The following TSPAN5 variants were observed in gnomAD, a reference collection of about 807,000 sequenced individuals.
TSPAN5 encodes tetraspanin-5.
Under a neutral mutation model 37.1 loss-of-function variants are expected in TSPAN5, and 10 were observed. That is an observed-to-expected ratio of 0.27 (90% CI 0.17 to 0.46). TSPAN5 has a LOEUF of 0.46. TSPAN5 is among the 20% of genes least tolerant of loss of function. The pLI is 1.00. For synonymous variants in TSPAN5, 110 were observed against 118.9 expected, an observed-to-expected ratio of 0.93 and a Z score of 0.48; for missense variants, 195 against 326.6, an observed-to-expected ratio of 0.60 and a Z score of 3.11.
chr4:98,643,918 T>C lies in TSPAN5; in HGVS notation c.81+14228A>G, dbSNP rs576628273. 2.6e-5 allele frequency among the ~76,000 whole-genome samples: 4 copies of C among 152,328 alleles called. No homozygotes were observed. The East Asian group carries it at 5.8e-4, about 22-fold the overall frequency. On this transcript the variant is annotated intron_variant, in intron 1 of 7. Transcript: ENST00000305798. ...CCCTGTGGGCAGTTGTTGCCCATCC[T>C]TGGATAAGTAGGGCACCAATAACGA...
intron 1 of TSPAN5, among the ~76,000 whole-genome samples, chr4:98,606,709 G>A (rs191396692): frequency 1.4e-4 from 22 of 152,348 alleles, no homozygotes; most frequent in Admixed American, 1.4e-3. Context: ...GGAATTAAAT[G>A]CAGAGGTTTT....
chr4:98,613,327 T>C (rs1293951020), intron 1 of TSPAN5, among the ~76,000 whole-genome samples: 1 of 152,200 alleles, frequency 6.6e-6, no homozygotes, highest in Non-Finnish European at 1.5e-5. Context: ...GCAGCAGGCT[T>C]ACAAATGTTG....
chr4:98,586,208 T>A (rs1755480906), intron 1 of TSPAN5, among the ~76,000 whole-genome samples: 1 of 152,250 alleles, frequency 6.6e-6, no homozygotes. Context: ...ATTATTTTCT[T>A]CTTAAGTCTA....
At chr4:98,554,081 T>A (rs1967941) in intron 1 of TSPAN5, among the ~76,000 whole-genome samples, 114,112 of 150,456 alleles carry the variant, frequency 0.76, 43,388 homozygotes, top group South Asian at 0.88. Context: ...AAAAATAAAT[T>A]AAAAAAAAAA....
chr4:98,638,545 T>C (rs1345627329), intron 1 of TSPAN5, among the ~76,000 whole-genome samples: 1 of 152,176 alleles, frequency 6.6e-6, no homozygotes, highest in Non-Finnish European at 1.5e-5. Context: ...TTATTTTACA[T>C]TTACTAGTTT....
chr4:98,492,495 G>A (rs924794802), intron 2 of TSPAN5, among the ~76,000 whole-genome samples: 3 of 152,068 alleles, frequency 2.0e-5, no homozygotes, highest in Non-Finnish European at 2.9e-5. Flanking sequence ...TTGCATCTGC[G>A]AAGTCCTGCA....
chr4:98,536,680 G>C (rs1229517940), intron 1 of TSPAN5, among the ~76,000 whole-genome samples: 3 of 152,202 alleles, frequency 2.0e-5, no homozygotes, highest in African/African-American at 4.8e-5. Context: ...CTACCTTTTT[G>C]TCAGAGATCC....
At chr4:98,589,009 G>A (rs990425974) in intron 1 of TSPAN5, among the ~76,000 whole-genome samples, 3 of 152,156 alleles carry the variant, frequency 2.0e-5, no homozygotes, top group Non-Finnish European at 2.9e-5. Context: ...CCCAGCACAG[G>A]TTAAGGGCCT....
Position 98,572,945 on chromosome 4 carries a change from T to G in TSPAN5, c.82-65217A>C, listed in dbSNP as rs555053072. ...AATCTTGCCCACTGCATAATTAGCC[T>G]GTAGGTCACCATCTGTCTCTAAGTC... On this transcript the variant is annotated intron_variant, in intron 1 of 7. Coordinates refer to ENST00000305798, the MANE Select transcript of TSPAN5 (RefSeq NM_005723.4). Among the ~76,000 whole-genome samples, 6 of 152,352 alleles carry G rather than the reference T, an allele frequency of 3.9e-5. No homozygotes were observed. In the East Asian group the frequency reaches 9.6e-4, roughly 24 times the overall value.
chr4:98,534,856 T>G (rs1452319988), intron 1 of TSPAN5, among the ~76,000 whole-genome samples: 4 of 152,278 alleles, frequency 2.6e-5, no homozygotes, highest in Admixed American at 2.6e-4. Context: ...TTTGTTTGTT[T>G]GTTTGGTTTT....
chr4:98,619,819 G>A (rs947286889), intron 1 of TSPAN5, among the ~76,000 whole-genome samples: 9 of 152,104 alleles, frequency 5.9e-5, no homozygotes, highest in South Asian at 2.1e-4. Context: ...AGCGTCTGGC[G>A]AGGCTCATCT....
chr4:98,482,209 A>T, intron 3 of TSPAN5, 34 bp from the exon 4 acceptor site: 1 of 1,600,788 alleles, frequency 6.2e-7, no homozygotes, highest in Non-Finnish European at 8.5e-7. Flanking sequence ...GAGAACAGTT[A>T]TAAGGGCTAT....
intron 1 of TSPAN5, among the ~76,000 whole-genome samples, chr4:98,577,826 T>A (rs1755274893): frequency 6.6e-6 from 1 of 152,184 alleles, no homozygotes; most frequent in Non-Finnish European, 1.5e-5. Flanking sequence ...ATACTAATCC[T>A]TAGGGTGTTT....
chr4:98,545,016 A>G (rs549173305), intron 1 of TSPAN5, among the ~76,000 whole-genome samples: 2 of 152,326 alleles, frequency 1.3e-5, no homozygotes, highest in East Asian at 3.9e-4. Flanking sequence ...AGGCAAGTAC[A>G]TGACCCAGGA....
chr4:98,631,861 G>C (rs757923011), intron 1 of TSPAN5, among the ~76,000 whole-genome samples: 12 of 152,080 alleles, frequency 7.9e-5, no homozygotes, highest in Middle Eastern at 3.2e-3. Flanking sequence ...GGCCATAATA[G>C]GCCTTAGAAA....
Position 98,612,707 on chromosome 4 carries a change from C to T in TSPAN5, c.81+45439G>A, listed in dbSNP as rs997270256. Among the ~76,000 whole-genome samples the T allele has an allele frequency of 1.2e-4, 19 of 152,120 alleles. No homozygotes were observed. The East Asian group carries it at 1.4e-3, about 11-fold the overall frequency. ...CTCCCGCTCCCCGCGGGGCTCCCCC[C>T]GCTCCCCTATCTCTGGCCACAAGTC... On this transcript the variant is annotated intron_variant, in intron 1 of 7. Coordinates refer to ENST00000305798, the MANE Select transcript of TSPAN5 (RefSeq NM_005723.4).
chr4:98,495,247 C>T (rs1017433120), intron 2 of TSPAN5, among the ~76,000 whole-genome samples: 1 of 152,064 alleles, frequency 6.6e-6, no homozygotes, highest in South Asian at 2.1e-4. Flanking sequence ...ACCAGCCAAC[C>T]GGCCAGGCGC....
chr4:98,477,236 C>G (rs1001729562), intron 5 of TSPAN5, among the ~76,000 whole-genome samples: 1 of 152,240 alleles, frequency 6.6e-6, no homozygotes, highest in African/African-American at 2.4e-5. Flanking sequence ...GCCCCTCAAG[C>G]TCTGAGTGGG....
chr4:98,620,005 GAC>G (rs1756445425), intron 1 of TSPAN5, among the ~76,000 whole-genome samples: 1 of 152,180 alleles, frequency 6.6e-6, no homozygotes, highest in African/African-American at 2.4e-5. Context: ...AATTCTGGGA[GAC>G]ACAAACATTT....
Sources: allele counts gnomAD v4.1 joint callset (sites outside exome capture counted in the v4.1 genomes callset), GRCh38; gene constraint gnomAD v4.1.1; transcripts MANE v1.5; gene names NCBI Gene and HGNC (gene_info 2026-07-23, HGNC 2026-07-21).